The following THADA variants were observed in gnomAD, a reference collection of about 807,000 sequenced individuals.
THADA encodes the protein tRNA (32-2'-O)-methyltransferase regulator THADA.
In THADA, 213 loss-of-function variants were observed where a neutral mutation model predicts 219.8. That is an observed-to-expected ratio of 0.97 (90% CI 0.87 to 1.09). The LOEUF is 1.09. THADA is among the 50% of genes least tolerant of loss of function. The pLI is 0.00. For synonymous variants in THADA, 1,018 were observed against 828.9 expected (o/e 1.23, Z -3.92); for missense variants, 2,956 against 2,311.3 (o/e 1.28, Z -5.72).
chr2:43,399,264 T>C (rs907987608), intron 28 of THADA, among the ~76,000 whole-genome samples: 1 of 152,176 alleles, frequency 6.6e-6, no homozygotes, highest in Admixed American at 6.5e-5. Flanking sequence ...CAGAAGACGG[T>C]AGACTCTGTA....
chr2:43,577,704 A>G (rs984252248), intron 9 of THADA, among the ~76,000 whole-genome samples: 2 of 152,184 alleles, frequency 1.3e-5, no homozygotes, highest in African/African-American at 4.8e-5. Flanking sequence ...AGTAAAAAAT[A>G]CAAGGATTGT....
intron 30 of THADA, among the ~76,000 whole-genome samples, chr2:43,324,435 A>G (rs957529396): frequency 1.3e-5 from 2 of 152,104 alleles, no homozygotes; most frequent in African/African-American, 4.8e-5. Flanking sequence ...GGATTCCAGG[A>G]AACAGAAGAT....
chr2:43,490,000 T>C (rs1687435611), intron 25 of THADA, among the ~76,000 whole-genome samples: 1 of 152,024 alleles, frequency 6.6e-6, no homozygotes, highest in African/African-American at 2.4e-5. Flanking sequence ...ACACAGGAGA[T>C]CTTTCCATTT....
rs975736883 is a variant in THADA, at chr2:43,527,804, A to T, written c.3374+75T>A. 6.7e-6 allele frequency: 7 copies of T among 1,038,398 alleles called. No individual in the cohort carries two copies. The African/African-American group carries it at 9.7e-5, about 14-fold the overall frequency. 64.3% of individuals were successfully genotyped at this position (1,038,398 alleles called of 1,614,324 possible). ...ATTCTTTTAAACTTCAAAAGACACA[A>T]CTAAATTCTACTCCAAGCATATGCT... On this transcript the variant is annotated intron_variant, in intron 22 of 37. Transcript: ENST00000405975.
intron 12 of THADA, among the ~76,000 whole-genome samples, chr2:43,572,413 A>G (rs887570329): frequency 1.3e-5 from 2 of 152,192 alleles, no homozygotes; most frequent in Non-Finnish European, 2.9e-5. Context: ...GACCTTGCTC[A>G]TTTGGGTCCC....
intron 26 of THADA, among the ~76,000 whole-genome samples, chr2:43,439,355 CT>C (rs1390907540): frequency 6.6e-6 from 1 of 152,076 alleles, no homozygotes; most frequent in Non-Finnish European, 1.5e-5. Context: ...TTATTAGTTA[CT>C]GTTGTTAATC....
intron 12 of THADA, among the ~76,000 whole-genome samples, chr2:43,572,208 T>A (rs978671398): frequency 1.3e-5 from 2 of 152,220 alleles, no homozygotes; most frequent in African/African-American, 4.8e-5. Context: ...TTTCCTGGTT[T>A]CTTTCTGCTC....
intron 26 of THADA, among the ~76,000 whole-genome samples, chr2:43,447,773 G>A (rs1681766998): frequency 6.6e-6 from 1 of 151,624 alleles, no homozygotes; most frequent in African/African-American, 2.4e-5. Context: ...GAAACGACCT[G>A]TAATTTAATG....
At chr2:43,499,252 A>T (rs975618941) in intron 24 of THADA, among the ~76,000 whole-genome samples, 1 of 152,196 alleles carries the variant, frequency 6.6e-6, no homozygotes, top group African/African-American at 2.4e-5. Context: ...TGAAACATTT[A>T]TTTTCTAAAA....
chr2:43,389,791 C>T (rs1194894275), intron 29 of THADA, among the ~76,000 whole-genome samples: 2 of 152,196 alleles, frequency 1.3e-5, no homozygotes, highest in Admixed American at 6.5e-5. Flanking sequence ...CCAATGTTCC[C>T]CTGAAGCCTT....
chr2:43,336,153 G>A (rs1364576495), intron 30 of THADA, among the ~76,000 whole-genome samples: 1 of 151,958 alleles, frequency 6.6e-6, no homozygotes, highest in East Asian at 1.9e-4. Flanking sequence ...TCAGTTACTT[G>A]GGAGCTGAGG....
chr2:43,357,049 A>T (rs1558633045), intron 29 of THADA, among the ~76,000 whole-genome samples: 1 of 152,240 alleles, frequency 6.6e-6, no homozygotes, highest in Non-Finnish European at 1.5e-5. Flanking sequence ...TGTCTGACAG[A>T]TGGCAAGTGT....
In THADA at chr2:43,265,779, T is replaced by G. The variant is rs1276483552; in HGVS notation, c.5296+13986A>C. ...ATCTCTTCTGTCAGTTTCCATATATTTTCCTAACTCCATTCCCCACCCTGA... is the reference window on the plus strand; with the variant it reads ...ATCTCTTCTGTCAGTTTCCATATATGTTCCTAACTCCATTCCCCACCCTGA... On this transcript the variant is annotated intron_variant, in intron 36 of 37. Transcript: ENST00000405975. Among the ~76,000 whole-genome samples the G allele has an allele frequency of 3.3e-5, 5 of 152,230 alleles. No homozygotes were observed. The East Asian group carries it at 9.6e-4, about 29-fold the overall frequency.
At chr2:43,568,277 G>C (rs1298166053) in intron 14 of THADA, among the ~76,000 whole-genome samples, 1 of 152,076 alleles carries the variant, frequency 6.6e-6, no homozygotes, top group African/African-American at 2.4e-5. Flanking sequence ...AGTTATTTAG[G>C]TATAAAATAA....
At chr2:43,516,143 T>C (rs1385486773) in intron 22 of THADA, among the ~76,000 whole-genome samples, 1 of 152,198 alleles carries the variant, frequency 6.6e-6, no homozygotes, top group East Asian at 1.9e-4. Context: ...AAGTCATCAC[T>C]ATCTCTTTTC....
chr2:43,449,427 T>TG (rs1398600692), intron 26 of THADA, among the ~76,000 whole-genome samples: 2 of 151,854 alleles, frequency 1.3e-5, no homozygotes, highest in Non-Finnish European at 2.9e-5. Flanking sequence ...GACCAAAACT[T>TG]CCCAAGTTTG....
intron 13 of THADA, among the ~76,000 whole-genome samples, chr2:43,571,105 T>C (rs1213288845): frequency 6.6e-6 from 1 of 151,976 alleles, no homozygotes; most frequent in Non-Finnish European, 1.5e-5. Flanking sequence ...AAAAATTAAA[T>C]ATTAGTCAGG....
chr2:43,293,502 C>A (rs1484833176), intron 31 of THADA, among the ~76,000 whole-genome samples: 2 of 152,106 alleles, frequency 1.3e-5, no homozygotes, highest in African/African-American at 4.8e-5. Context: ...AACTCAGTGA[C>A]CTCTTATCAC....
intron 36 of THADA, among the ~76,000 whole-genome samples, chr2:43,253,277 T>C (rs1366712065): frequency 6.6e-6 from 1 of 151,972 alleles, no homozygotes; most frequent in Admixed American, 6.6e-5. Flanking sequence ...AGGTATAAGG[T>C]GCTGTGTGAA....
Sources: gnomAD v4.1 joint callset for allele counts (sites outside exome capture counted in the v4.1 genomes callset) on GRCh38, gnomAD v4.1.1 for gene constraint, MANE v1.5 for transcripts, NCBI Gene and HGNC (gene_info 2026-07-23, HGNC 2026-07-21) for gene names.